The following RBM33 variants were observed in gnomAD, a reference collection of about 807,000 sequenced individuals.
RBM33 encodes the protein RNA binding motif protein 33.
Under a neutral mutation model 132.6 loss-of-function variants are expected in RBM33, and 28 were observed. The observed-to-expected ratio is 0.21, with a 90% CI of 0.16 to 0.29. The LOEUF (loss-of-function observed/expected upper bound fraction) is 0.29. Among genes scored for constraint, RBM33 ranks in the 10% least tolerant of loss-of-function variants. RBM33 has a pLI of 1.00. For missense variants in RBM33, 1,291 were observed against 1,518.5 expected (o/e 0.85, Z 2.49); for synonymous variants, 634 against 593.0 (o/e 1.07, Z -1.01).
At chr7:155,713,174 G>A (rs1444449566) in intron 8 of RBM33, among the ~76,000 whole-genome samples, 1 of 152,146 alleles carries the variant, frequency 6.6e-6, no homozygotes, top group African/African-American at 2.4e-5. Context: ...CACCTGAGGT[G>A]GGGAGATCAA....
intron 5 of RBM33, among the ~76,000 whole-genome samples, chr7:155,694,437 C>T (rs6459884): frequency 0.75 from 114,526 of 152,088 alleles, 43,404 homozygotes; most frequent in South Asian, 0.8. Flanking sequence ...ATTTGCACCA[C>T]TTAAAATACT....
intron 16 of RBM33, among the ~76,000 whole-genome samples, chr7:155,768,680 G>A (rs1244832221): frequency 2.0e-5 from 3 of 152,224 alleles, no homozygotes; most frequent in African/African-American, 7.2e-5. Flanking sequence ...GCAGTGGTGC[G>A]ATCTGGGCTC....
At chr7:155,748,005 C>A (rs950724749) in intron 14 of RBM33, among the ~76,000 whole-genome samples, 3 of 152,196 alleles carry the variant, frequency 2.0e-5, no homozygotes, top group Admixed American at 6.5e-5. Context: ...GAGAGGCATT[C>A]TCTGCATATG....
Position 155,754,356 on chromosome 7 carries a change from C to G in RBM33, c.2979+8754C>G, listed in dbSNP as rs2117051394. Among the ~76,000 whole-genome samples the G allele has an allele frequency of 3.3e-5, 5 of 152,332 alleles. No individual in the cohort carries two copies. In the South Asian group the frequency reaches 1.0e-3, roughly 32 times the overall value. On this transcript the variant is annotated intron_variant, in intron 14 of 17. Coordinates refer to ENST00000401878, the MANE Select transcript of RBM33 (RefSeq NM_053043.3). ...CCAGGTAGGATCCTGGTCACCTGTT[C>G]TGCAGAACTTGCTCAGTGCTACAGA...
At chr7:155,748,704 G>A (rs562987571) in intron 14 of RBM33, among the ~76,000 whole-genome samples, 82 of 151,954 alleles carry the variant, frequency 5.4e-4, no homozygotes, top group African/African-American at 1.7e-3. Context: ...TAATTATATC[G>A]CCTTTCAGGT....
At chr7:155,715,976 C>G (rs1800449048) in intron 8 of RBM33, among the ~76,000 whole-genome samples, 1 of 152,150 alleles carries the variant, frequency 6.6e-6, no homozygotes, top group Non-Finnish European at 1.5e-5. Context: ...TATTTAAAAA[C>G]AATTTTGATG....
chr7:155,706,779 A>G (rs1345624234), intron 6 of RBM33, 81 bp from the exon 7 acceptor site: 27 of 1,171,396 alleles, frequency 2.3e-5, no homozygotes, highest in Non-Finnish European at 3.0e-5. Flanking sequence ...TCATTGTCAC[A>G]TCATTCTTTC....
At chr7:155,764,532 T>C (rs1451493200) in intron 15 of RBM33, among the ~76,000 whole-genome samples, 1 of 152,264 alleles carries the variant, frequency 6.6e-6, no homozygotes, top group Non-Finnish European at 1.5e-5. Flanking sequence ...GAGCTCAGGC[T>C]GTGAGGCAGG....
chr7:155,665,257 C>T lies in RBM33; in HGVS notation c.122+4C>T, dbSNP rs773991097. 18 of 1,612,560 alleles carry T rather than the reference C, an allele frequency of 1.1e-5. No homozygotes were observed. The Admixed American group carries it at 1.3e-4, about 12-fold the overall frequency. On this transcript the variant is annotated splice_donor_region_variant and intron_variant, in intron 2 of 17. Transcript: ENST00000401878. The stretch of plus-strand genomic sequence containing the variant: ...CTGCTGATGAGGACTGGGACAGGTA[C>T]GTGCACCCTGTGCTTCACCTAACTG...
At chr7:155,725,280 A>T (rs1357047052) in intron 9 of RBM33, among the ~76,000 whole-genome samples, 3 of 148,378 alleles carry the variant, frequency 2.0e-5, no homozygotes, top group Admixed American at 6.8e-5. Context: ...AGTAATGAAT[A>T]AAAAAAAATT....
At chr7:155,686,636 C>G (rs1279881851) in intron 5 of RBM33, among the ~76,000 whole-genome samples, 3 of 152,120 alleles carry the variant, frequency 2.0e-5, no homozygotes, top group Admixed American at 6.6e-5. Flanking sequence ...CCGCTCCCCC[C>G]ACCCCATGAC....
At position 155,723,421 on chromosome 7, in the gene RBM33, A is replaced by G. The variant is rs377219053; in HGVS notation, c.1260+4978A>G. ...TAGTAGGAGACCCTTCCAGCTGTCAAACATTGTCAGGCTTGCAAGGAGAGA... is the reference window on the plus strand; with the variant it reads ...TAGTAGGAGACCCTTCCAGCTGTCAGACATTGTCAGGCTTGCAAGGAGAGA... On this transcript the variant is annotated intron_variant, in intron 9 of 17. Coordinates refer to ENST00000401878, the MANE Select transcript of RBM33 (RefSeq NM_053043.3). Among the ~76,000 whole-genome samples, 83 of 152,344 alleles carry G rather than the reference A, an allele frequency of 5.4e-4. No homozygotes were observed. The South Asian group carries it at 0.016, about 30-fold the overall frequency.
Position 155,675,987 on chromosome 7 carries a change from A to AT in RBM33, c.172-2613dup, listed in dbSNP as rs887085776. On this transcript the variant is annotated intron_variant, in intron 3 of 17. Transcript: ENST00000401878. ...TTATTTGATTTCTAGTGAGAATGGA[A>AT]TTTTTTTTCACGTGTTTATTAGCGA... 6.6e-5 allele frequency among the ~76,000 whole-genome samples: 10 copies of AT among 152,024 alleles called. No homozygotes were observed. The South Asian group carries it at 1.7e-3, about 25-fold the overall frequency.
intron 13 of RBM33, 135 bp from the exon 14 acceptor site, chr7:155,744,825 CA>C (rs1416162723): frequency 3.4e-6 from 3 of 875,198 alleles, no homozygotes; most frequent in Middle Eastern, 3.5e-4. Context: ...TTAAAGTCTT[CA>C]AACAGATTTT....
chr7:155,770,659 GAA>G (rs1258338832), intron 16 of RBM33, among the ~76,000 whole-genome samples: 41 of 148,376 alleles, frequency 2.8e-4, no homozygotes, highest in Non-Finnish European at 8.9e-5. Flanking sequence ...GCCAGAGGGA[GAA>G]AAAGAGCTTG....
At chr7:155,698,537 C>T (rs1339300745) in intron 5 of RBM33, among the ~76,000 whole-genome samples, 1 of 152,146 alleles carries the variant, frequency 6.6e-6, no homozygotes, top group Non-Finnish European at 1.5e-5. Context: ...TAAGCAAGTG[C>T]TATCAGCCGT....
intron 5 of RBM33, chr7:155,684,986 A>G (rs763361008): frequency 8.4e-6 from 13 of 1,550,454 alleles, no homozygotes; most frequent in Admixed American, 3.9e-5. Flanking sequence ...AAGAGCAGGA[A>G]GACTGTGTGG....
At chr7:155,737,985 A>T in intron 10 of RBM33, 75 bp from the exon 11 acceptor site, 1 of 1,266,890 alleles carries the variant, frequency 7.9e-7, no homozygotes, top group Non-Finnish European at 1.1e-6. Flanking sequence ...ACAGTAGGAT[A>T]GTGCTTCAGA....
intron 1 of RBM33, among the ~76,000 whole-genome samples, chr7:155,648,064 G>A (rs908305147): frequency 6.6e-6 from 1 of 152,084 alleles, no homozygotes; most frequent in Non-Finnish European, 1.5e-5. Flanking sequence ...TGAAAAAATG[G>A]GTGCTTGTAA....
Sources: allele counts gnomAD v4.1 joint callset (sites outside exome capture counted in the v4.1 genomes callset), GRCh38; gene constraint gnomAD v4.1.1; transcripts MANE v1.5; gene names NCBI Gene and HGNC (gene_info 2026-07-23, HGNC 2026-07-21).